KIF13A: variants seen among roughly 807,000 people sequenced by gnomAD.
KIF13A encodes the protein kinesin family member 13A.
KIF13A carries 79 observed loss-of-function variants against 212.2 expected under a neutral mutation model. The observed-to-expected ratio is 0.37, with a 90% CI of 0.31 to 0.45. KIF13A has a LOEUF of 0.45. Ranked by LOEUF, KIF13A falls within the 20% of genes least tolerant of loss-of-function variation. The probability of loss-of-function intolerance (pLI) is 1.00; values close to 1 mark genes in which losing one functional copy is unlikely to be tolerated. For missense variants in KIF13A, 1,901 were observed against 2,209.0 expected, an observed-to-expected ratio of 0.86 and a Z score of 2.79; for synonymous variants, 789 against 808.6, an observed-to-expected ratio of 0.98 and a Z score of 0.41.
At chr6:17,800,502 T>C (rs1762387870) in intron 20 of KIF13A, among the ~76,000 whole-genome samples, 2 of 151,824 alleles carry the variant, frequency 1.3e-5, no homozygotes, top group South Asian at 4.2e-4. Flanking sequence ...AGTGGCATGA[T>C]CTCAGCTTGC....
intron 20 of KIF13A, among the ~76,000 whole-genome samples, chr6:17,802,079 T>G (rs1581346153): frequency 1.3e-5 from 2 of 152,112 alleles, no homozygotes; most frequent in South Asian, 4.1e-4. Context: ...GTGTACAAGG[T>G]GACACATGTT....
intron 16 of KIF13A, among the ~76,000 whole-genome samples, chr6:17,820,904 A>G (rs1156243899): frequency 6.6e-6 from 1 of 152,242 alleles, no homozygotes; most frequent in Non-Finnish European, 1.5e-5. Flanking sequence ...AATTAACACC[A>G]AAATGTCTAA....
At chr6:17,822,627 G>A (rs930913796) in intron 16 of KIF13A, among the ~76,000 whole-genome samples, 3 of 152,138 alleles carry the variant, frequency 2.0e-5, no homozygotes, top group Non-Finnish European at 4.4e-5. Context: ...CAGAGTTAGC[G>A]ACTAGAGATG....
intron 2 of KIF13A, among the ~76,000 whole-genome samples, chr6:17,976,671 C>T (rs1260149995): frequency 1.3e-5 from 2 of 152,168 alleles, no homozygotes; most frequent in Admixed American, 6.5e-5. Flanking sequence ...TCTCAAGTGC[C>T]GCCAAAGTGG....
chr6:17,857,622 T>C (rs1351985422), intron 4 of KIF13A, among the ~76,000 whole-genome samples: 3 of 152,152 alleles, frequency 2.0e-5, no homozygotes, highest in Admixed American at 2.0e-4. Context: ...TTTGCAACCA[T>C]TAGGCTGGCA....
intron 2 of KIF13A, among the ~76,000 whole-genome samples, chr6:17,974,594 T>C (rs769027505): frequency 2.0e-4 from 30 of 152,150 alleles, no homozygotes; most frequent in Non-Finnish European, 3.8e-4. Context: ...AAATGGAGTT[T>C]TTTTTAGACC....
intron 11 of KIF13A, among the ~76,000 whole-genome samples, chr6:17,835,738 G>C (rs1765897617): frequency 6.6e-6 from 1 of 152,164 alleles, no homozygotes; most frequent in Admixed American, 6.5e-5. Flanking sequence ...AGAGTATTCA[G>C]ACTCTTGGCT....
In KIF13A at chr6:17,897,918, G is replaced by A. The variant is rs989142624; in HGVS notation, c.159+250C>T. Among the ~76,000 whole-genome samples the A allele has an allele frequency of 6.6e-6, 1 of 152,128 alleles. No individual in the cohort carries two copies. Among genetic ancestry groups the A allele is most frequent in the African/African-American group, 2.4e-5 (1 of 41,424 alleles). On this transcript the variant is annotated intron_variant, in intron 3 of 38. Coordinates refer to ENST00000259711, the MANE Select transcript of KIF13A (RefSeq NM_022113.6). The surrounding 1 kb of genome is among the most constrained non-coding windows in gnomAD (Gnocchi z 4.8). Reference sequence around the variant, plus strand: ...ATCAAGAAAATAGAAACAATAACCTGACAGGTTTGCTTTGAAGATTACAGC... The same window carrying A: ...ATCAAGAAAATAGAAACAATAACCTAACAGGTTTGCTTTGAAGATTACAGC...
At chr6:17,827,679 G>A (rs1765092211) in intron 14 of KIF13A, among the ~76,000 whole-genome samples, 4 of 151,948 alleles carry the variant, frequency 2.6e-5, no homozygotes, top group South Asian at 4.2e-4. Context: ...CACCATGCCC[G>A]GCTAATTTTC....
At chr6:17,902,231 T>A (rs1773114627) in intron 2 of KIF13A, among the ~76,000 whole-genome samples, 1 of 152,172 alleles carries the variant, frequency 6.6e-6, no homozygotes, top group Non-Finnish European at 1.5e-5. Flanking sequence ...AACACTTGCC[T>A]AAAGGTGTGT....
In KIF13A at chr6:17,855,862, C is replaced by T. The variant is rs2150406506; in HGVS notation, c.313+168G>A. ...CCAAGAAGCTGGGACTACAGGTGTG[C>T]CACCACGCTGGGCTAATGTTTTTAG... is the stretch of plus-strand genomic sequence containing the variant. On this transcript the variant is annotated intron_variant, in intron 5 of 38. Coordinates refer to ENST00000259711, the MANE Select transcript of KIF13A (RefSeq NM_022113.6). This position sits in a 1 kb window ranked among gnomAD's most constrained non-coding sequence, Gnocchi z 4.1. 6.6e-6 allele frequency among the ~76,000 whole-genome samples: 1 copy of T among 152,138 alleles called. No individual in the cohort carries two copies. The highest frequency in any genetic ancestry group is 2.4e-5 in the African/African-American group (1 of 41,526).
chr6:17,984,585 G>GTTTTT lies in KIF13A; in HGVS notation c.146+2464_146+2468dup. On this transcript the variant is annotated intron_variant, in intron 2 of 38. Coordinates refer to ENST00000259711, the MANE Select transcript of KIF13A (RefSeq NM_022113.6). The surrounding 1 kb of genome is among the most constrained non-coding windows in gnomAD (Gnocchi z 5.0). ...GAAACAATGAAAGCTGACCCCATCT[G>GTTTTT]TTTTTTTTTTTTTTCCCTGGACGTC... is the stretch of plus-strand genomic sequence containing the variant. 2 of 828,162 alleles carry GTTTTT rather than the reference G, an allele frequency of 2.4e-6. No individual in the cohort carries two copies. The highest frequency in any genetic ancestry group is 2.0e-5 in the African/African-American group (1 of 50,930). 51.3% of individuals were successfully genotyped at this position (828,162 alleles called of 1,614,324 possible).
chr6:17,781,403 T>G (rs1321922697), intron 29 of KIF13A, 102 bp from the exon 30 acceptor site: 1 of 1,234,882 alleles, frequency 8.1e-7, no homozygotes, highest in East Asian at 2.5e-5. Context: ...AGTTTACACA[T>G]AACACATTTT....
intron 23 of KIF13A, chr6:17,795,114 T>C (rs1410432443): frequency 1.2e-5 from 2 of 163,502 alleles, no homozygotes; most frequent in Admixed American, 1.2e-4. Flanking sequence ...TGTGTCTGGC[T>C]TCTTTCATTC....
rs927349319 is a variant in KIF13A at position 17,982,826 on chromosome 6, C to G, written c.146+4228G>C. Among the ~76,000 whole-genome samples the G allele has an allele frequency of 6.6e-6, 1 of 152,156 alleles. No homozygotes were observed. The highest frequency in any genetic ancestry group is 1.5e-5 in the Non-Finnish European group (1 of 68,034). On this transcript the variant is annotated intron_variant, in intron 2 of 38. Transcript: ENST00000259711. The surrounding 1 kb of genome is among the most constrained non-coding windows in gnomAD (Gnocchi z 5.1). ...TATTTTAAAAACCACCACTACCATT[C>G]ACACTGAATGTAAAAAAGAATGAGT...
At chr6:17,922,422 T>G (rs1456733991) in intron 2 of KIF13A, among the ~76,000 whole-genome samples, 1 of 152,124 alleles carries the variant, frequency 6.6e-6, no homozygotes, top group Non-Finnish European at 1.5e-5. Flanking sequence ...TGCAACAGTT[T>G]ACAGCAGTGG....
At position 17,963,496 on chromosome 6, in the gene KIF13A, A is replaced by C. The variant is rs1779027769; in HGVS notation, c.146+23558T>G. 6.6e-6 allele frequency among the ~76,000 whole-genome samples: 1 copy of C among 152,222 alleles called. No homozygotes were observed. Among genetic ancestry groups the C allele is most frequent in the Non-Finnish European group, 1.5e-5 (1 of 68,042 alleles). On this transcript the variant is annotated intron_variant, in intron 2 of 38. Coordinates refer to ENST00000259711, the MANE Select transcript of KIF13A (RefSeq NM_022113.6). The surrounding 1 kb of genome is among the most constrained non-coding windows in gnomAD (Gnocchi z 4.1). ...AGATAAGGTCTTACAATATGAAGAAATATATTACCGATGACCACAAAAGGG... is the reference window on the plus strand; with the variant it reads ...AGATAAGGTCTTACAATATGAAGAACTATATTACCGATGACCACAAAAGGG...
chr6:17,828,394 G>A lies in KIF13A; in HGVS notation c.1402-24C>T. On this transcript the variant is annotated intron_variant, in intron 13 of 38. Transcript: ENST00000259711. This position sits in a 1 kb window ranked among gnomAD's most constrained non-coding sequence, Gnocchi z 4.3. ...TCCTAGTAAAAGATTATTAAGGAAAGAAAAACCCACATTTATGAGTAACTC... is the reference window on the plus strand; with the variant it reads ...TCCTAGTAAAAGATTATTAAGGAAAAAAAAACCCACATTTATGAGTAACTC... The A allele has an allele frequency of 6.3e-7, 1 of 1,595,326 alleles. No homozygotes were observed. The highest frequency in any genetic ancestry group is 1.3e-5 in the African/African-American group (1 of 74,232).
intron 12 of KIF13A, among the ~76,000 whole-genome samples, chr6:17,833,033 A>T (rs1765594763): frequency 2.0e-5 from 3 of 148,760 alleles, no homozygotes; most frequent in Middle Eastern, 3.5e-3. Context: ...AAAAAAAAAA[A>T]AAAAAAAAAA....
Sources: allele counts gnomAD v4.1 joint callset (sites outside exome capture counted in the v4.1 genomes callset), GRCh38; gene constraint gnomAD v4.1.1; non-coding constraint Gnocchi (gnomAD v3.1); transcripts MANE v1.5; gene names NCBI Gene and HGNC (gene_info 2026-07-23, HGNC 2026-07-21).